Variants in COL24A1 observed in about 807,000 individuals in gnomAD.
COL24A1 encodes the protein collagen type XXIV alpha 1 chain.
In COL24A1, 224 loss-of-function variants were observed where a neutral mutation model predicts 253.9. The ratio of observed to expected loss-of-function variants is 0.88; its 90% CI spans 0.79 to 0.99. COL24A1 has a LOEUF of 0.99. Among genes scored for constraint, COL24A1 ranks in the 50% least tolerant of loss-of-function variants. COL24A1 has a pLI of 0.00. For synonymous variants in COL24A1, 685 were observed against 673.7 expected, an observed-to-expected ratio of 1.02 and a Z score of -0.26; for missense variants, 2,131 against 2,068.5, an observed-to-expected ratio of 1.03 and a Z score of -0.59.
intron 37 of COL24A1, among the ~76,000 whole-genome samples, chr1:85,860,381 C>A (rs1679003573): frequency 6.6e-6 from 1 of 152,150 alleles, no homozygotes; most frequent in Non-Finnish European, 1.5e-5. Context: ...ACCCCTCTAG[C>A]CCTAGGCAAC....
chr1:85,891,208 G>A (rs1023633899), intron 31 of COL24A1, among the ~76,000 whole-genome samples: 7 of 147,480 alleles, frequency 4.7e-5, no homozygotes, highest in Admixed American at 1.4e-4. Context: ...CCGCCACCAC[G>A]CCCGGCTAAT....
chr1:86,075,013 TA>T (rs1702147855), intron 7 of COL24A1, among the ~76,000 whole-genome samples: 1 of 151,858 alleles, frequency 6.6e-6, no homozygotes, highest in African/African-American at 2.4e-5. Context: ...AGTCAAAAGC[TA>T]GCAGAAGACA....
chr1:86,146,022 T>C, intron 2 of COL24A1, 97 bp downstream of exon 2: 1 of 1,014,640 alleles, frequency 9.9e-7, no homozygotes. Context: ...TGTTTAATGT[T>C]GAATTTACAG....
intron 59 of COL24A1, among the ~76,000 whole-genome samples, chr1:85,731,646 G>A (rs1663482830): frequency 6.6e-6 from 1 of 152,174 alleles, no homozygotes; most frequent in African/African-American, 2.4e-5. Flanking sequence ...TAGTGCTTGT[G>A]AAATACACGA....
At chr1:85,954,163 G>C (rs1412425769) in intron 24 of COL24A1, among the ~76,000 whole-genome samples, 5 of 152,012 alleles carry the variant, frequency 3.3e-5, no homozygotes, top group Admixed American at 1.3e-4. Flanking sequence ...ATAATAACTA[G>C]CTTGTTTTCT....
intron 28 of COL24A1, among the ~76,000 whole-genome samples, chr1:85,896,751 G>A (rs897000174): frequency 7.2e-5 from 11 of 152,136 alleles, no homozygotes; most frequent in Admixed American, 6.5e-4. Flanking sequence ...ACCCGCCTCG[G>A]CCTCCCACAG....
intron 47 of COL24A1, among the ~76,000 whole-genome samples, chr1:85,786,711 C>T (rs1222528928): frequency 1.3e-5 from 2 of 152,124 alleles, no homozygotes; most frequent in African/African-American, 4.8e-5. Context: ...TAAAGCAATA[C>T]GAAGTCCACC....
At position 85,760,438 on chromosome 1, in the gene COL24A1, T is replaced by C. The variant is rs183576978; in HGVS notation, c.4437+958A>G. 1.8e-3 allele frequency among the ~76,000 whole-genome samples: 278 copies of C among 152,172 alleles called. 1 individual carries two copies. The highest frequency in any genetic ancestry group is 3.4e-3 in the Non-Finnish European group (232 of 68,008). ...GGAAGTGATTTTTTAAAATCACAGATAAATGGGTCTCTTGTTTTCAAGGGG... is the reference window on the plus strand; with the variant it reads ...GGAAGTGATTTTTTAAAATCACAGACAAATGGGTCTCTTGTTTTCAAGGGG... On this transcript the variant is annotated intron_variant, in intron 55 of 59. Coordinates refer to ENST00000370571, the MANE Select transcript of COL24A1 (RefSeq NM_152890.7).
chr1:85,745,435 T>C lies in COL24A1; in HGVS notation c.4503+6A>G, dbSNP rs1287221536. On this transcript the variant is annotated splice_donor_region_variant and intron_variant, in intron 56 of 59. Transcript: ENST00000370571. The stretch of plus-strand genomic sequence containing the variant: ...GTGCCAATATAAATAAAACCAGATA[T>C]GTTACCTCCATCTGTAGGGCAGTAT... 4.4e-6 allele frequency: 7 copies of C among 1,600,104 alleles called. No individual in the cohort carries two copies. The highest frequency in any genetic ancestry group is 4.0e-5 in the African/African-American group (3 of 74,244).
chr1:85,964,847 A>G (rs1187672673), intron 23 of COL24A1, among the ~76,000 whole-genome samples, 162 bp downstream of exon 23: 1 of 152,178 alleles, frequency 6.6e-6, no homozygotes, highest in African/African-American at 2.4e-5. Context: ...ATAAATAGAT[A>G]CAGATATAAA....
At chr1:85,809,922 T>C (rs1672362613) in intron 47 of COL24A1, among the ~76,000 whole-genome samples, 1 of 151,716 alleles carries the variant, frequency 6.6e-6, no homozygotes, top group South Asian at 2.1e-4. Flanking sequence ...TTTATCTTCT[T>C]TAACTGAAAC....
chr1:85,934,082 C>G (rs955233259), intron 24 of COL24A1, among the ~76,000 whole-genome samples: 9 of 152,120 alleles, frequency 5.9e-5, no homozygotes, highest in African/African-American at 2.2e-4. Flanking sequence ...ACCAGAAAAT[C>G]CATTTCCAAG....
At chr1:86,053,131 T>C (rs1039166934) in intron 10 of COL24A1, among the ~76,000 whole-genome samples, 4 of 152,048 alleles carry the variant, frequency 2.6e-5, no homozygotes, top group Admixed American at 2.6e-4. Flanking sequence ...ACTAGAGCAT[T>C]TAGGATTATG....
chr1:85,903,156 T>A (rs1684489093), intron 28 of COL24A1, among the ~76,000 whole-genome samples: 1 of 152,210 alleles, frequency 6.6e-6, no homozygotes, highest in South Asian at 2.1e-4. Context: ...AAAGAGAAGT[T>A]CTGTGCCCAC....
chr1:85,805,718 G>A lies in COL24A1; in HGVS notation c.3951+11070C>T, dbSNP rs115053148. Among the ~76,000 whole-genome samples the A allele has an allele frequency of 6.0e-3, 915 of 152,198 alleles. 5 individuals carry two copies. The highest frequency in any genetic ancestry group is 0.02 in the African/African-American group (836 of 41,526). On this transcript the variant is annotated intron_variant, in intron 47 of 59. Transcript: ENST00000370571. ...TAATACATTAAAACACTTATGGTAC[G>A]TGGGCAAGTTCTAAGCATTGTATGA...
chr1:85,838,571 T>C lies in COL24A1; in HGVS notation c.3681+14A>G. On this transcript the variant is annotated intron_variant, in intron 43 of 59. Coordinates refer to ENST00000370571, the MANE Select transcript of COL24A1 (RefSeq NM_152890.7). ...TATTTAAATTCATTAGTAAGGGGTATAACTTGCAATTACCTTATATCCCTC... is the reference window on the plus strand; with the variant it reads ...TATTTAAATTCATTAGTAAGGGGTACAACTTGCAATTACCTTATATCCCTC... The C allele has an allele frequency of 6.2e-7, 1 of 1,612,222 alleles. No individual in the cohort carries two copies. Among genetic ancestry groups the C allele is most frequent in the Non-Finnish European group, 8.5e-7 (1 of 1,178,314 alleles).
chr1:86,066,860 G>A (rs570271054), intron 7 of COL24A1, among the ~76,000 whole-genome samples: 1 of 152,088 alleles, frequency 6.6e-6, no homozygotes, highest in African/African-American at 2.4e-5. Context: ...CAGGAAGGCC[G>A]GGCGCAATGG....
intron 57 of COL24A1, among the ~76,000 whole-genome samples, chr1:85,740,879 G>T (rs1421167776): frequency 6.8e-6 from 1 of 147,094 alleles, no homozygotes; most frequent in African/African-American, 2.5e-5. Context: ...GGAGGCCGAG[G>T]CGGGCAGATC....
intron 31 of COL24A1, among the ~76,000 whole-genome samples, chr1:85,895,040 A>C (rs1055837299): frequency 1.1e-4 from 17 of 152,158 alleles, no homozygotes; most frequent in African/African-American, 4.1e-4. Flanking sequence ...ACAAATCAAA[A>C]TGTCATCATT....
Sources: allele counts gnomAD v4.1 joint callset (sites outside exome capture counted in the v4.1 genomes callset), GRCh38; gene constraint gnomAD v4.1.1; transcripts MANE v1.5; gene names NCBI Gene and HGNC (gene_info 2026-07-23, HGNC 2026-07-21).